The following PXDNL variants were observed in gnomAD, a reference collection of about 807,000 sequenced individuals.
PXDNL encodes probable oxidoreductase PXDNL.
In PXDNL, 145 loss-of-function variants were observed where a neutral mutation model predicts 150.8. The ratio of observed to expected loss-of-function variants is 0.96; its 90% CI spans 0.84 to 1.10. The LOEUF (loss-of-function observed/expected upper bound fraction) is 1.10, where lower values mean the gene tolerates loss of function less well. PXDNL is among the 50% of genes least tolerant of loss of function. The pLI is 0.00. For missense variants in PXDNL, 2,087 were observed against 1,873.9 expected, an observed-to-expected ratio of 1.11 and a Z score of -2.10; for synonymous variants, 757 against 725.7, an observed-to-expected ratio of 1.04 and a Z score of -0.69.
At chr8:51,619,803 A>C (rs771776869) in intron 2 of PXDNL, among the ~76,000 whole-genome samples, 1 of 145,414 alleles carries the variant, frequency 6.9e-6, no homozygotes, top group Non-Finnish European at 1.5e-5. Flanking sequence ...TAGTAGTGCA[A>C]GAACAAACTA....
chr8:51,485,996 C>T (rs1183434986), intron 5 of PXDNL, among the ~76,000 whole-genome samples: 2 of 152,160 alleles, frequency 1.3e-5, no homozygotes, highest in Non-Finnish European at 2.9e-5. Flanking sequence ...ATTACCAGGA[C>T]AATTTATGCC....
chr8:51,635,678 G>A lies in PXDNL; in HGVS notation c.236+19011C>T, dbSNP rs1814590461. On this transcript the variant is annotated intron_variant, in intron 2 of 22. Transcript: ENST00000356297. ...AAAAAAGCAGAAAATCTGAGTGGGG[G>A]GCGAAGTACTTTTTAAGAGATTGAA... is the stretch of plus-strand genomic sequence containing the variant. Among the ~76,000 whole-genome samples, 2 of 151,876 alleles carry A rather than the reference G, an allele frequency of 1.3e-5. 1 individual carries two copies. The highest frequency in any genetic ancestry group is 4.2e-4 in the South Asian group (2 of 4,800).
At chr8:51,368,091 C>A (rs536328236) in intron 19 of PXDNL, among the ~76,000 whole-genome samples, 9 of 152,128 alleles carry the variant, frequency 5.9e-5, no homozygotes, top group Admixed American at 5.9e-4. Context: ...TCCAAGATCA[C>A]GCCATTGCAC....
intron 1 of PXDNL, among the ~76,000 whole-genome samples, chr8:51,678,061 C>A (rs1442981513): frequency 6.6e-6 from 1 of 152,172 alleles, no homozygotes; most frequent in East Asian, 1.9e-4. Context: ...AAAGAGAAGG[C>A]ATGTTGCTCA....
intron 1 of PXDNL, among the ~76,000 whole-genome samples, chr8:51,728,515 G>T (rs779675511): frequency 6.6e-6 from 1 of 151,998 alleles, no homozygotes; most frequent in Non-Finnish European, 1.5e-5. Context: ...TAATATTGAT[G>T]ATCCTGATCC....
rs1315964475 is a variant in PXDNL at position 51,640,064 on chromosome 8, C to A, written c.236+14625G>T. Among the ~76,000 whole-genome samples, 4 of 152,068 alleles carry A rather than the reference C, an allele frequency of 2.6e-5. No individual in the cohort carries two copies. The East Asian group carries it at 7.7e-4, about 29-fold the overall frequency. ...CTGGTTCAATATATGCAAATCAATA[C>A]ATGTAATCCAGCATAGAAACAGAAC... On this transcript the variant is annotated intron_variant, in intron 2 of 22. Coordinates refer to ENST00000356297, the MANE Select transcript of PXDNL (RefSeq NM_144651.5).
At chr8:51,349,804 G>C (rs1806279525) in intron 19 of PXDNL, among the ~76,000 whole-genome samples, 1 of 152,116 alleles carries the variant, frequency 6.6e-6, no homozygotes, top group South Asian at 2.1e-4. Context: ...TGGAACACTA[G>C]TATCCCAATG....
intron 3 of PXDNL, among the ~76,000 whole-genome samples, chr8:51,583,036 T>C (rs1459885496): frequency 6.6e-6 from 1 of 152,208 alleles, no homozygotes; most frequent in Admixed American, 6.5e-5. Flanking sequence ...TGTCACAGTA[T>C]ATAATATTCA....
At chr8:51,539,718 C>T (rs903164487) in intron 4 of PXDNL, among the ~76,000 whole-genome samples, 3 of 152,038 alleles carry the variant, frequency 2.0e-5, no homozygotes, top group African/African-American at 7.2e-5. Context: ...ATTTTCATTT[C>T]ATTAAGTTGT....
At chr8:51,792,922 G>A (rs2037526972) in intron 1 of PXDNL, among the ~76,000 whole-genome samples, 1 of 152,200 alleles carries the variant, frequency 6.6e-6, no homozygotes, top group South Asian at 2.1e-4. Context: ...CTGAGAACCA[G>A]GCAGTCTGGA....
intron 2 of PXDNL, among the ~76,000 whole-genome samples, chr8:51,630,955 G>T (rs1219005148): frequency 1.3e-5 from 2 of 151,984 alleles, no homozygotes; most frequent in African/African-American, 4.8e-5. Flanking sequence ...AATATAAATT[G>T]TTCTGTCATA....
chr8:51,362,245 C>T (rs945314495), intron 19 of PXDNL, among the ~76,000 whole-genome samples: 1 of 152,220 alleles, frequency 6.6e-6, no homozygotes, highest in Non-Finnish European at 1.5e-5. Flanking sequence ...TTCTTTCTCA[C>T]AGCAATCCAT....
Position 51,703,033 on chromosome 8 carries a change from C to T in PXDNL, c.165-48273G>A, listed in dbSNP as rs546287056. Among the ~76,000 whole-genome samples the T allele has an allele frequency of 2.6e-5, 4 of 152,212 alleles. No homozygotes were observed. In the South Asian group the frequency reaches 8.3e-4, roughly 32 times the overall value. On this transcript the variant is annotated intron_variant, in intron 1 of 22. Transcript: ENST00000356297. ...CTTTTTCAGTGACAATCTTTTTCTA[C>T]ACTTTACATTCACTAATGCTATCTG... is the stretch of plus-strand genomic sequence containing the variant.
At chr8:51,795,601 G>A (rs1284313449) in intron 1 of PXDNL, among the ~76,000 whole-genome samples, 1 of 152,138 alleles carries the variant, frequency 6.6e-6, no homozygotes, top group Admixed American at 6.5e-5. Context: ...AAGCCAATGG[G>A]AACACAGAGA....
At chr8:51,545,183 C>A (rs1334989684) in intron 4 of PXDNL, among the ~76,000 whole-genome samples, 3 of 146,896 alleles carry the variant, frequency 2.0e-5, no homozygotes, top group Non-Finnish European at 2.9e-5. Flanking sequence ...ATATAAAACA[C>A]TTACTGCTGA....
At chr8:51,483,604 A>G (rs1055943791) in intron 6 of PXDNL, 39 bp downstream of exon 6, 6 of 1,262,732 alleles carry the variant, frequency 4.8e-6, no homozygotes, top group African/African-American at 1.5e-5. Flanking sequence ...GGAGGAAATT[A>G]TAAAAGGTTT....
intron 1 of PXDNL, among the ~76,000 whole-genome samples, chr8:51,677,248 T>C (rs1815645413): frequency 6.6e-6 from 1 of 152,214 alleles, no homozygotes; most frequent in African/African-American, 2.4e-5. Flanking sequence ...CATTATCACA[T>C]GATCTCCTGA....
intron 3 of PXDNL, among the ~76,000 whole-genome samples, chr8:51,565,563 A>T (rs1275116610): frequency 2.6e-5 from 4 of 151,242 alleles, no homozygotes; most frequent in African/African-American, 9.7e-5. Flanking sequence ...GAATAAGTAT[A>T]AAAAAAAGAT....
At chr8:51,808,167 A>AAC (rs1302100103) in intron 1 of PXDNL, among the ~76,000 whole-genome samples, 2 of 152,132 alleles carry the variant, frequency 1.3e-5, no homozygotes. Flanking sequence ...GATCCTCTTA[A>AAC]ACATTTATAT....
Sources: allele counts gnomAD v4.1 joint callset (sites outside exome capture counted in the v4.1 genomes callset), GRCh38; gene constraint gnomAD v4.1.1; transcripts MANE v1.5; gene names NCBI Gene and HGNC (gene_info 2026-07-23, HGNC 2026-07-21).